PLB1: variants seen among roughly 807,000 people sequenced by gnomAD.
PLB1 encodes phospholipase B1, membrane-associated.
In PLB1, 242 loss-of-function variants were observed where a neutral mutation model predicts 227.4. The observed-to-expected ratio is 1.06, with a 90% confidence interval of 0.96 to 1.18. The LOEUF is 1.18. Ranked by LOEUF, PLB1 falls within the 50% of genes most tolerant of loss-of-function variation. The pLI is 0.00. For synonymous variants in PLB1, 757 were observed against 682.2 expected (o/e 1.11, Z -1.71); for missense variants, 1,858 against 1,816.3 (o/e 1.02, Z -0.42).
At chr2:28,571,991 G>A (rs1678092187) in intron 20 of PLB1, among the ~76,000 whole-genome samples, 1 of 152,278 alleles carries the variant, frequency 6.6e-6, no homozygotes, top group Middle Eastern at 3.4e-3. Context: ...ACAGCCCAAA[G>A]AGTGGAAGAA....
intron 17 of PLB1, among the ~76,000 whole-genome samples, chr2:28,560,342 C>A (rs531273671): frequency 1.9e-4 from 29 of 152,180 alleles, no homozygotes; most frequent in Admixed American, 7.2e-4. Context: ...ACTTGAGAGA[C>A]CAAGCTATAT....
chr2:28,621,648 G>A (rs574202854), intron 49 of PLB1, among the ~76,000 whole-genome samples: 20 of 152,264 alleles, frequency 1.3e-4, no homozygotes, highest in Admixed American at 5.9e-4. Context: ...ACTATGCTCC[G>A]ATCACCAGGG....
intron 50 of PLB1, among the ~76,000 whole-genome samples, chr2:28,625,562 GA>G (rs1028200212): frequency 1.1e-4 from 16 of 151,906 alleles, no homozygotes; most frequent in Non-Finnish European, 1.5e-5. Flanking sequence ...CTCCCGGTGG[GA>G]TTCCTATTAT....
chr2:28,552,850 A>C (rs1248758727), intron 16 of PLB1, 78 bp from the exon 17 acceptor site: 1 of 1,215,304 alleles, frequency 8.2e-7, no homozygotes, highest in Non-Finnish European at 1.2e-6. Context: ...ATGTTTTCCA[A>C]AATAGAGGCC....
At chr2:28,539,534 G>A (rs570829203) in intron 11 of PLB1, among the ~76,000 whole-genome samples, 3 of 152,306 alleles carry the variant, frequency 2.0e-5, no homozygotes, top group East Asian at 1.9e-4. Context: ...GAAAAACGTA[G>A]CCTAAATGTA....
intron 43 of PLB1, among the ~76,000 whole-genome samples, chr2:28,609,492 T>C (rs930017711): frequency 6.6e-6 from 1 of 152,066 alleles, no homozygotes; most frequent in African/African-American, 2.4e-5. Flanking sequence ...TATCTTTTCT[T>C]ATGAGAAAAA....
intron 17 of PLB1, among the ~76,000 whole-genome samples, chr2:28,554,794 T>A (rs1343602372): frequency 6.6e-6 from 1 of 152,136 alleles, no homozygotes; most frequent in Non-Finnish European, 1.5e-5. Context: ...TATCTCAACA[T>A]CTAAAAGCTG....
chr2:28,584,812 C>T (rs953077310), intron 25 of PLB1, among the ~76,000 whole-genome samples: 2 of 152,206 alleles, frequency 1.3e-5, no homozygotes, highest in African/African-American at 4.8e-5. Context: ...CTGGCCGGGT[C>T]AGAGCTGCAG....
chr2:28,524,972 C>T (rs1187740678), intron 4 of PLB1, among the ~76,000 whole-genome samples: 1 of 151,944 alleles, frequency 6.6e-6, no homozygotes, highest in African/African-American at 2.4e-5. Context: ...CTCAGCCTCC[C>T]AAGTAGCTGG....
chr2:28,588,636 G>T (rs1681323933), intron 26 of PLB1, among the ~76,000 whole-genome samples: 1 of 152,120 alleles, frequency 6.6e-6, no homozygotes, highest in South Asian at 2.1e-4. Flanking sequence ...AGCCGGAACT[G>T]GGGTAACAGA....
At chr2:28,625,021 C>G (rs756838515) in intron 49 of PLB1, 36 bp from the exon 50 acceptor site, 3 of 1,601,650 alleles carry the variant, frequency 1.9e-6, no homozygotes, top group Non-Finnish European at 1.7e-6. Context: ...CGCTCCTGAG[C>G]CGGCACTAAC....
At chr2:28,519,421 G>A (rs1020940275) in intron 3 of PLB1, among the ~76,000 whole-genome samples, 1 of 152,238 alleles carries the variant, frequency 6.6e-6, no homozygotes, top group African/African-American at 2.4e-5. Flanking sequence ...CAGGTGAGGG[G>A]AAAATGAAGG....
At chr2:28,625,958 G>GCA (rs1298957221) in intron 50 of PLB1, among the ~76,000 whole-genome samples, 1 of 148,944 alleles carries the variant, frequency 6.7e-6, no homozygotes, top group African/African-American at 2.5e-5. Flanking sequence ...CCTTATCCTA[G>GCA]CACCAATTGA....
chr2:28,521,108 T>G (rs191416420), intron 4 of PLB1, among the ~76,000 whole-genome samples: 75 of 152,360 alleles, frequency 4.9e-4, no homozygotes, highest in African/African-American at 1.8e-3. Context: ...AGATTTCCCT[T>G]CCTTTCTTAA....
chr2:28,593,237 C>A (rs1438945927), intron 32 of PLB1, among the ~76,000 whole-genome samples: 1 of 152,144 alleles, frequency 6.6e-6, no homozygotes, highest in Admixed American at 6.6e-5. Flanking sequence ...TACAGAATGC[C>A]CCAGAGGGAA....
At chr2:28,501,074 T>A (rs1378605776) in intron 1 of PLB1, among the ~76,000 whole-genome samples, 1 of 152,220 alleles carries the variant, frequency 6.6e-6, no homozygotes, top group Non-Finnish European at 1.5e-5. Flanking sequence ...AGTGTTATTG[T>A]CTAGGCCCTT....
chr2:28,604,129 C>A, intron 40 of PLB1, 82 bp downstream of exon 40: 1 of 1,343,360 alleles, frequency 7.4e-7, no homozygotes, highest in Non-Finnish European at 1.1e-6. Flanking sequence ...AGAGGAGGCA[C>A]ACAGGGAAGG....
intron 1 of PLB1, among the ~76,000 whole-genome samples, chr2:28,501,421 AT>A (rs78452337): frequency 2.0e-5 from 3 of 151,906 alleles, no homozygotes; most frequent in East Asian, 1.9e-4. Flanking sequence ...AATCACTTGA[AT>A]TTTTTTTTGT....
chr2:28,506,078 A>G (rs577623951), intron 1 of PLB1, among the ~76,000 whole-genome samples: 12 of 152,242 alleles, frequency 7.9e-5, no homozygotes, highest in African/African-American at 2.9e-4. Context: ...CATTTCCATC[A>G]AGTTGCATTT....
Sources: allele counts gnomAD v4.1 joint callset (sites outside exome capture counted in the v4.1 genomes callset), GRCh38; gene constraint gnomAD v4.1.1; transcripts MANE v1.5; gene names NCBI Gene and HGNC (gene_info 2026-07-23, HGNC 2026-07-21).